EMG1: variants seen among roughly 807,000 people sequenced by gnomAD.
The protein encoded by EMG1 is EMG1 N1-specific pseudouridine methyltransferase.
A neutral mutation model predicts 26.9 loss-of-function variants in EMG1; 24 were observed. The observed-to-expected ratio is 0.89, with a 90% CI of 0.65 to 1.26. The LOEUF (loss-of-function observed/expected upper bound fraction) is 1.26. Ranked by LOEUF, EMG1 falls within the 50% of genes most tolerant of loss-of-function variation. EMG1 has a pLI of 0.00. For missense variants in EMG1, 299 were observed against 307.6 expected, an observed-to-expected ratio of 0.97 and a Z score of 0.21; for synonymous variants, 140 against 112.6, an observed-to-expected ratio of 1.24 and a Z score of -1.54.
chr12:6,985,886 T>TG (rs1260465278), intron 6 of EMG1, among the ~76,000 whole-genome samples: 5 of 150,600 alleles, frequency 3.3e-5, no homozygotes, highest in African/African-American at 1.2e-4. Context: ...GCGATTCTCC[T>TG]GCTTCAGCCT....
downstream of EMG1, among the ~76,000 whole-genome samples, chr12:6,993,047 G>A (rs1555155693): frequency 1.3e-5 from 2 of 152,012 alleles, no homozygotes; most frequent in African/African-American, 4.8e-5. Context: ...AAATATGGAG[G>A]GCTGACTATA....
chr12:6,991,926 G>A (rs1172579907), downstream of EMG1, among the ~76,000 whole-genome samples: 1 of 151,978 alleles, frequency 6.6e-6, no homozygotes, highest in East Asian at 1.9e-4. Context: ...ATCAGGCATG[G>A]TGGCCCACAC....
At chr12:6,990,789 C>T (rs1412643155), downstream of EMG1, among the ~76,000 whole-genome samples, 27 of 150,212 alleles carry the variant, frequency 1.8e-4, no homozygotes, top group African/African-American at 4.1e-4. Context: ...TGGTGGCAGG[C>T]GCCTGTGATC....
At position 6,978,167 on chromosome 12, in the gene EMG1, T is replaced by C. The variant is rs989303987; in HGVS notation, c.*2358T>C. ...CTTGCCTTTTTTTCAAATATGACAG[T>C]AATGGTTTTTTTGGGAGGGGGGTAT... On this transcript the variant is annotated 3_prime_UTR_variant, in exon 6 of 6. Coordinates refer to ENST00000599672, the MANE Select transcript of EMG1 (RefSeq NM_006331.8). The C allele has an allele frequency of 2.8e-6, 2 of 720,834 alleles. No homozygotes were observed. Among genetic ancestry groups the C allele is most frequent in the Non-Finnish European group, 4.5e-6 (2 of 443,864 alleles). The allele number at this position is 720,834 out of a possible 1,614,324, so 44.7% of individuals were successfully genotyped here.
downstream of EMG1, chr12:6,983,571 T>C (rs1555154430): frequency 1.4e-6 from 2 of 1,397,922 alleles, no homozygotes; most frequent in East Asian, 2.3e-5. Flanking sequence ...AAGAGTGTTA[T>C]TTGTGCCTGG....
chr12:6,982,002 C>T, downstream of EMG1: 1 of 713,194 alleles, frequency 1.4e-6, no homozygotes, highest in Non-Finnish European at 2.5e-6. Context: ...CTCCTCATCC[C>T]ATCATTAAAA....
Position 6,975,362 on chromosome 12 carries a change from C to T in EMG1, c.605C>T (p.Ala202Val). The part of the protein sequence containing the change: ...SSDPIVFVVG[A>V]FAHGKVSVEY... ...GATCCTATTGTTTTTGTGGTAGGGG[C>T]CTTTGCCCATGGCAAGGTAAGGTCT... Residue 202 changes from alanine (A) to valine (V), a missense_variant, in exon 5 of 6, where the codon GCC becomes GTC. Physicochemically the swap from Ala to Val is moderately conservative, Grantham distance 64 (BLOSUM62 0). Coordinates refer to ENST00000599672, the MANE Select transcript of EMG1 (RefSeq NM_006331.8). 1.2e-6 allele frequency: 2 copies of T among 1,601,438 alleles called. No individual in the cohort carries two copies. Among genetic ancestry groups the T allele is most frequent in the Non-Finnish European group, 8.5e-7 (1 of 1,173,482 alleles).
Position 6,975,856 on chromosome 12 carries a change from C to A in EMG1, c.*47C>A. The A allele has an allele frequency of 3.6e-6, 4 of 1,124,554 alleles. No homozygotes were observed. The highest frequency in any genetic ancestry group is 1.2e-5 in the South Asian group (1 of 80,028). 69.7% of individuals were successfully genotyped at this position (1,124,554 alleles called of 1,614,324 possible). A position where few individuals can be genotyped will look rare whatever the true frequency, so the allele number is the denominator to read the frequency against. ...AACCAGAAACTGTTGATGTCACATC[C>A]TTTGACCCTGGTCTGAGCTGACTGC... is the stretch of plus-strand genomic sequence containing the variant. On this transcript the variant is annotated 3_prime_UTR_variant, in exon 6 of 6. Transcript: ENST00000599672.
At chr12:6,996,203 G>A (rs1161889276) in intron 7 of EMG1, among the ~76,000 whole-genome samples, 3 of 152,208 alleles carry the variant, frequency 2.0e-5, no homozygotes, top group African/African-American at 7.2e-5. Context: ...ATGTTAAGCA[G>A]GTCCAGCCTT....
Position 6,974,575 on chromosome 12 carries a change from T to A in EMG1, c.294T>A (p.Ser98Arg). Residue 98 changes from serine (S) to arginine (R), a missense_variant, in exon 3 of 6, where the codon AGT (serine) becomes AGA (arginine). By Grantham distance (110) the Ser-to-Arg change is moderately radical. Coordinates refer to ENST00000599672, the MANE Select transcript of EMG1 (RefSeq NM_006331.8). ...AGAGTTTGCTGATGCTGATGGATAG[T>A]CCCCTGAACCGAGCTGGCTTGCTAC... ...THQSLLMLMD[S>R]PLNRAGLLQV... 1 of 1,613,884 alleles carries A rather than the reference T, an allele frequency of 6.2e-7. No homozygotes were observed. Among genetic ancestry groups the A allele is most frequent in the Non-Finnish European group, 8.5e-7 (1 of 1,179,824 alleles).
rs1481251955 is a variant in EMG1, at chr12:6,987,629, A to G, written c.*155-153A>G. On this transcript the variant is annotated intron_variant and NMD_transcript_variant, in intron 6 of 7. Transcript: ENST00000261406. This position sits in a 1 kb window ranked among gnomAD's most constrained non-coding sequence, Gnocchi z 4.1. ...TAAATAAAAAAATATAAAACAGTAG[A>G]TAATTATCTAGAGCACTCATAAATA... Among the ~76,000 whole-genome samples the G allele has an allele frequency of 6.6e-6, 1 of 152,256 alleles. No homozygotes were observed. The highest frequency in any genetic ancestry group is 1.5e-5 in the Non-Finnish European group (1 of 68,048).
chr12:6,994,453 C>T (rs782285902), intron 7 of EMG1, among the ~76,000 whole-genome samples: 1 of 152,264 alleles, frequency 6.6e-6, no homozygotes, highest in African/African-American at 2.4e-5. Flanking sequence ...AGTGATCGAC[C>T]TGCCTTGGCG....
intron 1 of EMG1, among the ~76,000 whole-genome samples, 179 bp downstream of exon 1, chr12:6,971,270 C>CT (rs1289662926): frequency 1.1e-4 from 15 of 141,816 alleles, no homozygotes; most frequent in East Asian, 6.6e-4. Context: ...ACTCATTTTT[C>CT]TTTCTTTTTT....
intron 1 of EMG1, 141 bp from the exon 2 acceptor site, chr12:6,974,198 G>C: frequency 1.5e-6 from 1 of 660,004 alleles, no homozygotes; most frequent in South Asian, 1.7e-5. Flanking sequence ...TGGTTTAGTA[G>C]GTCTAGGGTG....
chr12:6,975,707 G>A lies in EMG1; in HGVS notation c.633G>A (p.Glu211=). ...TGTTCTTTTCTTAGGTCAGTGTGGA[G>A]TATACAGAGAAGATGGTGTCCATCA... ...GAFAHGKVSV[E]YTEKMVSISN... Residue 211 remains glutamate, a synonymous_variant, in exon 6 of 6, where the codon GAG becomes GAA. Coordinates refer to ENST00000599672, the MANE Select transcript of EMG1 (RefSeq NM_006331.8). 1 of 1,608,382 alleles carries A rather than the reference G, an allele frequency of 6.2e-7. No individual in the cohort carries two copies. Among genetic ancestry groups the A allele is most frequent in the South Asian group, 1.1e-5 (1 of 90,958 alleles).
Position 6,978,619 on chromosome 12 carries a change from G to A in EMG1, c.*2810G>A, listed in dbSNP as rs1555153642. On this transcript the variant is annotated 3_prime_UTR_variant, in exon 6 of 6. Coordinates refer to ENST00000599672, the MANE Select transcript of EMG1 (RefSeq NM_006331.8). ...TCTACTTACTGTGACCAGCCAACAGGTGACATATTTGTACAGCACAAACTT... is the reference window on the plus strand; with the variant it reads ...TCTACTTACTGTGACCAGCCAACAGATGACATATTTGTACAGCACAAACTT... 4 of 1,614,080 alleles carry A rather than the reference G, an allele frequency of 2.5e-6. No individual in the cohort carries two copies. The highest frequency in any genetic ancestry group is 8.5e-7 in the Non-Finnish European group (1 of 1,180,056).
At chr12:6,971,665 A>G (rs1198107286) in intron 1 of EMG1, among the ~76,000 whole-genome samples, 2 of 152,198 alleles carry the variant, frequency 1.3e-5, no homozygotes, top group Non-Finnish European at 2.9e-5. Context: ...TCTGTGGTAT[A>G]GTAGTCTAAG....
intron 1 of EMG1, 101 bp downstream of exon 1, chr12:6,971,192 T>C: frequency 1.0e-6 from 1 of 975,532 alleles, no homozygotes; most frequent in South Asian, 1.4e-5. Context: ...CAGAGAGGGG[T>C]GAAAGATGCT....
At chr12:6,980,026 T>A (rs1304571110), downstream of EMG1, 1 of 154,094 alleles carries the variant, frequency 6.5e-6, no homozygotes, top group Non-Finnish European at 1.4e-5. Context: ...TTAAACTTTT[T>A]TTTTTTTTTT....
Sources: allele counts gnomAD v4.1 joint callset (sites outside exome capture counted in the v4.1 genomes callset), GRCh38; gene constraint gnomAD v4.1.1; non-coding constraint Gnocchi (gnomAD v3.1); transcripts MANE v1.5; gene names NCBI Gene and HGNC (gene_info 2026-07-23, HGNC 2026-07-21).